Variants in GLO1 observed in about 807,000 individuals in gnomAD.
GLO1 encodes lactoylglutathione lyase.
In GLO1, 28 loss-of-function variants were observed where a neutral mutation model predicts 26.0. The observed-to-expected ratio is 1.08, with a 90% CI of 0.80 to 1.48. The LOEUF is 1.48. GLO1 is among the 40% of genes most tolerant of loss of function. The pLI, the probability that GLO1 is intolerant of heterozygous loss-of-function variation, is 0.00. For synonymous variants in GLO1, 78 were observed against 77.6 expected (o/e 1.00, Z -0.03); for missense variants, 225 against 224.8 (o/e 1.00, Z -0.01).
At chr6:38,686,628 A>C (rs1761462683) in intron 2 of GLO1, among the ~76,000 whole-genome samples, 1 of 152,228 alleles carries the variant, frequency 6.6e-6, no homozygotes, top group Non-Finnish European at 1.5e-5. Context: ...GAACACATTA[A>C]GGATTTAGCT....
intron 1 of GLO1, among the ~76,000 whole-genome samples, chr6:38,691,573 C>T (rs1306261218): frequency 6.6e-6 from 1 of 152,092 alleles, no homozygotes; most frequent in East Asian, 1.9e-4. Flanking sequence ...TCCCAAAGTG[C>T]TGGGATTACA....
intron 1 of GLO1, 38 bp downstream of exon 1, chr6:38,702,933 G>T (rs780352687): frequency 1.7e-6 from 2 of 1,184,622 alleles, no homozygotes; most frequent in East Asian, 2.4e-5. Flanking sequence ...CCGGCCCAGC[G>T]GAGCTGGGGG....
At chr6:38,693,679 C>CTA (rs1303486732) in intron 1 of GLO1, among the ~76,000 whole-genome samples, 192 of 96,350 alleles carry the variant, frequency 2.0e-3, no homozygotes, top group East Asian at 0.016. Context: ...CTCTCTCTCT[C>CTA]TCTCTCTATA....
intron 1 of GLO1, among the ~76,000 whole-genome samples, chr6:38,698,657 C>CTT (rs34080103): frequency 0.036 from 3,992 of 109,930 alleles, 180 homozygotes; most frequent in Middle Eastern, 0.065. Flanking sequence ...AGAACCTGAC[C>CTT]TTTTTTTTTT....
chr6:38,683,073 T>C, intron 3 of GLO1, 198 bp from the exon 4 acceptor site: 1 of 538,362 alleles, frequency 1.9e-6, no homozygotes, highest in Non-Finnish European at 3.3e-6. Flanking sequence ...AAAGAGACAG[T>C]AAATACAGGT....
intron 1 of GLO1, among the ~76,000 whole-genome samples, chr6:38,695,334 CATAT>C (rs1406174685): frequency 6.6e-6 from 1 of 151,898 alleles, no homozygotes; most frequent in Non-Finnish European, 1.5e-5. Context: ...TACGCATACA[CATAT>C]ATACAGACAT....
chr6:38,684,598 G>A lies in GLO1; in HGVS notation c.168-84C>T, dbSNP rs530648439. 1.6e-3 allele frequency: 1,428 copies of A among 892,526 alleles called. 1 individual carries two copies. Among genetic ancestry groups the A allele is most frequent in the Non-Finnish European group, 2.0e-3 (1,318 of 657,710 alleles). The allele number at this position is 892,526 out of a possible 1,614,324, so 55.3% of individuals were successfully genotyped here. ...ATAATCAACATAACTTAATATTCAAGTTTTACTAAAAAGAAGAGCTATATG... is the reference window on the plus strand; with the variant it reads ...ATAATCAACATAACTTAATATTCAAATTTTACTAAAAAGAAGAGCTATATG... On this transcript the variant is annotated intron_variant, in intron 2 of 5. Coordinates refer to ENST00000373365, the MANE Select transcript of GLO1 (RefSeq NM_006708.3).
chr6:38,687,006 C>A, intron 1 of GLO1, 32 bp from the exon 2 acceptor site: 7 of 1,549,480 alleles, frequency 4.5e-6, no homozygotes, highest in Non-Finnish European at 6.2e-6. Flanking sequence ...AAACATCTTT[C>A]ACTTTTACCA....
At chr6:38,694,349 C>A (rs1283134197) in intron 1 of GLO1, among the ~76,000 whole-genome samples, 1 of 151,970 alleles carries the variant, frequency 6.6e-6, no homozygotes, top group Non-Finnish European at 1.5e-5. Context: ...CTTCTGTTTC[C>A]TTGTTAATTT....
chr6:38,696,858 T>C (rs139282862), intron 1 of GLO1, among the ~76,000 whole-genome samples: 2 of 152,254 alleles, frequency 1.3e-5, no homozygotes, highest in African/African-American at 4.8e-5. Context: ...TTAGAGACTA[T>C]CTACTTTGTC....
At chr6:38,693,658 GCTCT>G (rs71543936) in intron 1 of GLO1, among the ~76,000 whole-genome samples, 1,856 of 127,532 alleles carry the variant, frequency 0.015, 23 homozygotes, top group African/African-American at 0.028. Flanking sequence ...TTTTCATTCA[GCTCT>G]CTCTCTCTCT....
In GLO1 at chr6:38,693,658, GCTCTCTCT is replaced by G. The variant is rs71543936; in HGVS notation, c.85-6692_85-6685del. On this transcript the variant is annotated intron_variant, in intron 1 of 5. Transcript: ENST00000373365. ...ATGATCCCTTTTTCATTTTCATTCA[GCTCTCTCT>G]CTCTCTCTCTCTCTCTCTCTATATA... is the stretch of plus-strand genomic sequence containing the variant. Among the ~76,000 whole-genome samples the G allele has an allele frequency of 9.8e-3, 1,254 of 127,594 alleles. 9 individuals are homozygous for G. Among genetic ancestry groups the G allele is most frequent in the African/African-American group, 0.017 (581 of 33,412 alleles). 83.7% of individuals were successfully genotyped at this position (127,594 alleles called of 152,430 possible).
intron 2 of GLO1, among the ~76,000 whole-genome samples, chr6:38,685,428 G>A (rs1761448872): frequency 6.6e-6 from 1 of 152,080 alleles, no homozygotes; most frequent in Admixed American, 6.6e-5. Context: ...GGAGTAAGGT[G>A]GCATGAGAAT....
intron 1 of GLO1, among the ~76,000 whole-genome samples, chr6:38,688,674 G>C (rs60262339): frequency 0.093 from 14,211 of 152,182 alleles, 1,589 homozygotes; most frequent in African/African-American, 0.25. Context: ...CCTCATGGGG[G>C]AGATCTGTCC....
Position 38,682,857 on chromosome 6 carries a change from A to T in GLO1, c.327T>A (p.Asp109Glu). The change falls in exon 4 of 6, where the codon GAT becomes GAA. Residue 109 changes from aspartate to glutamate, a missense_variant. Asp to Glu is a conservative substitution (Grantham distance 45). Coordinates refer to ENST00000373365, the MANE Select transcript of GLO1 (RefSeq NM_006708.3). ...CATTGTGGTAACTCTGGGTCTCATC[A>T]TCTTCAGTGCCCCAATTGCTACAAA... ...LELTHNWGTE[D>E]DETQSYHNGN... The T allele has an allele frequency of 1.3e-6, 2 of 1,595,012 alleles. No homozygotes were observed. The highest frequency in any genetic ancestry group is 2.2e-5 in the South Asian group (2 of 90,764).
At chr6:38,694,831 AACTCTTTTATCACTGTATAATGT>A (rs1761586135) in intron 1 of GLO1, among the ~76,000 whole-genome samples, 1 of 152,202 alleles carries the variant, frequency 6.6e-6, no homozygotes, top group Non-Finnish European at 1.5e-5. Flanking sequence ...GGTCAATCAC[AACTCTTTTATCACTGTATAATGT>A]ACTTCTTATG....
intron 1 of GLO1, among the ~76,000 whole-genome samples, chr6:38,696,440 C>A (rs2127548613): frequency 6.6e-6 from 1 of 152,302 alleles, no homozygotes; most frequent in South Asian, 2.1e-4. Flanking sequence ...ACATTTATTT[C>A]TCACAGGTTT....
intron 1 of GLO1, among the ~76,000 whole-genome samples, chr6:38,698,093 C>A (rs1761638001): frequency 6.6e-6 from 1 of 152,082 alleles, no homozygotes; most frequent in Admixed American, 6.5e-5. Flanking sequence ...TATTTCATAC[C>A]CTTATCACTT....
At chr6:38,701,435 T>C (rs931605794) in intron 1 of GLO1, among the ~76,000 whole-genome samples, 24 of 150,604 alleles carry the variant, frequency 1.6e-4, no homozygotes, top group African/African-American at 6.0e-4. Context: ...TTAGATACTG[T>C]GGAATGTAAA....
Sources: allele counts gnomAD v4.1 joint callset (sites outside exome capture counted in the v4.1 genomes callset), GRCh38; gene constraint gnomAD v4.1.1; transcripts MANE v1.5; gene names NCBI Gene and HGNC (gene_info 2026-07-23, HGNC 2026-07-21).